The following GRM1 variants were observed in gnomAD, a reference collection of about 807,000 sequenced individuals.
GRM1 encodes the protein glutamate metabotropic receptor 1.
Under a neutral mutation model 90.9 loss-of-function variants are expected in GRM1, and 33 were observed. The observed-to-expected ratio is 0.36, with a 90% confidence interval of 0.28 to 0.49. The LOEUF (loss-of-function observed/expected upper bound fraction) is 0.49, where lower values mean the gene tolerates loss of function less well. Among genes scored for constraint, GRM1 ranks in the 20% least tolerant of loss-of-function variants. The pLI, the probability that GRM1 is intolerant of heterozygous loss-of-function variation, is 0.99. For missense variants in GRM1, 1,190 were observed against 1,534.3 expected (o/e 0.78, Z 3.75); for synonymous variants, 700 against 613.2 (o/e 1.14, Z -2.09).
At chr6:146,412,696 C>G (rs547713571) in intron 7 of GRM1, among the ~76,000 whole-genome samples, 2 of 152,066 alleles carry the variant, frequency 1.3e-5, no homozygotes, top group African/African-American at 4.8e-5. Flanking sequence ...TTTCATTTCT[C>G]CCACAGGAAG....
chr6:146,173,909 G>A (rs532853558), intron 2 of GRM1, among the ~76,000 whole-genome samples: 12 of 152,054 alleles, frequency 7.9e-5, no homozygotes, highest in South Asian at 2.1e-4. Context: ...GCCCGCCTTC[G>A]CTTCCCAAAG....
chr6:146,203,365 T>C (rs1779387225), intron 2 of GRM1, among the ~76,000 whole-genome samples: 1 of 152,118 alleles, frequency 6.6e-6, no homozygotes, highest in Non-Finnish European at 1.5e-5. Context: ...TTCTTTCATG[T>C]TGTTGCTCTG....
At chr6:146,227,820 C>A (rs1460732583) in intron 2 of GRM1, among the ~76,000 whole-genome samples, 1 of 152,152 alleles carries the variant, frequency 6.6e-6, no homozygotes, top group Non-Finnish European at 1.5e-5. Flanking sequence ...TGCATCCAAA[C>A]TGAAGTCATT....
intron 5 of GRM1, among the ~76,000 whole-genome samples, chr6:146,367,422 C>G (rs1775734189): frequency 1.3e-5 from 2 of 151,526 alleles, no homozygotes; most frequent in African/African-American, 2.4e-5. Context: ...ATTTTTTTTT[C>G]TATTTTTATT....
chr6:146,311,699 T>TATATAAGAAA (rs1783774760), intron 3 of GRM1, among the ~76,000 whole-genome samples: 1 of 152,242 alleles, frequency 6.6e-6, no homozygotes, highest in African/African-American at 2.4e-5. Context: ...ATTTTTCTGT[T>TATATAAGAAA]TAAAATAGTT....
At chr6:146,088,714 T>C (rs541526979) in intron 1 of GRM1, among the ~76,000 whole-genome samples, 3 of 152,206 alleles carry the variant, frequency 2.0e-5, no homozygotes, top group African/African-American at 4.8e-5. Context: ...TTACCATAAA[T>C]GGGGAGAAAA....
At chr6:146,147,937 G>A (rs1454245455) in intron 1 of GRM1, among the ~76,000 whole-genome samples, 1 of 152,002 alleles carries the variant, frequency 6.6e-6, no homozygotes, top group Non-Finnish European at 1.5e-5. Flanking sequence ...GTAAATTAGG[G>A]CTCTCACATC....
chr6:146,417,343 A>G (rs1777824855), intron 7 of GRM1, among the ~76,000 whole-genome samples: 2 of 152,152 alleles, frequency 1.3e-5, no homozygotes, highest in African/African-American at 4.8e-5. Context: ...CTGGGGTACT[A>G]CATATTAGCT....
intron 3 of GRM1, among the ~76,000 whole-genome samples, chr6:146,307,497 T>C (rs1346744460): frequency 6.6e-6 from 1 of 152,220 alleles, no homozygotes; most frequent in East Asian, 1.9e-4. Context: ...TCTTCGGTTT[T>C]AATCTCTATA....
At chr6:146,109,916 C>T (rs1775490976) in intron 1 of GRM1, among the ~76,000 whole-genome samples, 1 of 152,116 alleles carries the variant, frequency 6.6e-6, no homozygotes, top group African/African-American at 2.4e-5. Context: ...GCCTGTAGCC[C>T]CTTGGTTTTG....
intron 2 of GRM1, among the ~76,000 whole-genome samples, chr6:146,189,148 G>C (rs1323822546): frequency 6.6e-6 from 1 of 152,148 alleles, no homozygotes; most frequent in Non-Finnish European, 1.5e-5. Context: ...CTTCTTAATT[G>C]TTGATTTTTT....
intron 2 of GRM1, among the ~76,000 whole-genome samples, chr6:146,254,270 C>T (rs1781406002): frequency 6.6e-6 from 1 of 151,760 alleles, no homozygotes; most frequent in African/African-American, 2.4e-5. Flanking sequence ...ATGTGACCTG[C>T]TTGAGACTCA....
intron 6 of GRM1, among the ~76,000 whole-genome samples, chr6:146,394,010 G>A (rs976451130): frequency 6.6e-6 from 1 of 152,084 alleles, no homozygotes; most frequent in Non-Finnish European, 1.5e-5. Flanking sequence ...ACAAGCAATG[G>A]GGAAAGGATT....
chr6:146,102,690 A>G (rs1470444928), intron 1 of GRM1, among the ~76,000 whole-genome samples: 1 of 152,224 alleles, frequency 6.6e-6, no homozygotes, highest in Non-Finnish European at 1.5e-5. Flanking sequence ...GGGATACAGT[A>G]ACTATTTTTT....
chr6:146,281,671 T>C (rs1182727074), intron 2 of GRM1, among the ~76,000 whole-genome samples: 2 of 152,240 alleles, frequency 1.3e-5, no homozygotes, highest in African/African-American at 4.8e-5. Flanking sequence ...ATGATTAATA[T>C]ACTTCTGGAA....
chr6:146,111,176 G>T (rs1344614562), intron 1 of GRM1, among the ~76,000 whole-genome samples: 1 of 152,132 alleles, frequency 6.6e-6, no homozygotes, highest in Non-Finnish European at 1.5e-5. Context: ...ATGGCTCCAG[G>T]CTCCATTTTA....
intron 2 of GRM1, among the ~76,000 whole-genome samples, chr6:146,173,407 A>G (rs1778211754): frequency 2.0e-5 from 3 of 150,636 alleles, no homozygotes; most frequent in Non-Finnish European, 1.5e-5. Flanking sequence ...AAAGAAAAGA[A>G]AAGAAAAAAA....
At chr6:146,131,269 C>T (rs1204902359) in intron 1 of GRM1, among the ~76,000 whole-genome samples, 5 of 151,950 alleles carry the variant, frequency 3.3e-5, no homozygotes, top group Admixed American at 3.3e-4. Flanking sequence ...GAATTTTAGA[C>T]TTTTTTTCAT....
chr6:146,299,242 A>G (rs1203463641), intron 2 of GRM1, among the ~76,000 whole-genome samples: 1 of 152,166 alleles, frequency 6.6e-6, no homozygotes, highest in Non-Finnish European at 1.5e-5. Flanking sequence ...TCTAACCTAC[A>G]TCACCGTGTG....
Sources: gnomAD v4.1 joint callset for allele counts (sites outside exome capture counted in the v4.1 genomes callset) on GRCh38, gnomAD v4.1.1 for gene constraint, MANE v1.5 for transcripts, NCBI Gene and HGNC (gene_info 2026-07-23, HGNC 2026-07-21) for gene names.